NKAIN2: variants seen among roughly 807,000 people sequenced by gnomAD.
The protein encoded by NKAIN2 is sodium/potassium transporting ATPase interacting 2.
NKAIN2 carries 14 observed loss-of-function variants against 32.6 expected under a neutral mutation model. The observed-to-expected ratio is 0.43, with a 90% CI of 0.28 to 0.67. The LOEUF is 0.67. Among genes scored for constraint, NKAIN2 ranks in the 30% least tolerant of loss-of-function variants. The pLI is 0.17. For missense variants in NKAIN2, 198 were observed against 258.3 expected (o/e 0.77, Z 1.60); for synonymous variants, 80 against 87.2 (o/e 0.92, Z 0.46).
chr6:124,029,325 C>A (rs1484039391), intron 1 of NKAIN2, among the ~76,000 whole-genome samples: 1 of 151,144 alleles, frequency 6.6e-6, no homozygotes, highest in Non-Finnish European at 1.5e-5. Flanking sequence ...CATATTCATA[C>A]ACTTACAATC....
chr6:124,418,605 G>A (rs1416860574), intron 3 of NKAIN2, among the ~76,000 whole-genome samples: 1 of 148,444 alleles, frequency 6.7e-6, no homozygotes, highest in African/African-American at 2.5e-5. Context: ...AAACTATACA[G>A]TTAACTTGAG....
At chr6:124,047,377 T>A (rs1782191388) in intron 1 of NKAIN2, among the ~76,000 whole-genome samples, 1 of 152,022 alleles carries the variant, frequency 6.6e-6, no homozygotes, top group African/African-American at 2.4e-5. Flanking sequence ...TTTTCGTATG[T>A]CTATAAAATG....
intron 3 of NKAIN2, among the ~76,000 whole-genome samples, chr6:124,516,985 T>A (rs536514844): frequency 6.6e-6 from 1 of 152,300 alleles, no homozygotes; most frequent in African/African-American, 2.4e-5. Flanking sequence ...GACATCTTGT[T>A]AGCTTTTGAG....
At chr6:124,785,578 T>A (rs1260957260) in intron 4 of NKAIN2, among the ~76,000 whole-genome samples, 2 of 152,168 alleles carry the variant, frequency 1.3e-5, no homozygotes, top group Non-Finnish European at 1.5e-5. Flanking sequence ...GGATGCTGAC[T>A]TATTTCTGCC....
At chr6:124,417,470 T>C (rs1233523175) in intron 3 of NKAIN2, among the ~76,000 whole-genome samples, 1 of 141,734 alleles carries the variant, frequency 7.1e-6, no homozygotes, top group Non-Finnish European at 1.5e-5. Flanking sequence ...ACACATATTA[T>C]CATTTTCTGC....
At chr6:124,560,853 A>G (rs1480728168) in intron 3 of NKAIN2, among the ~76,000 whole-genome samples, 1 of 152,214 alleles carries the variant, frequency 6.6e-6, no homozygotes, top group Non-Finnish European at 1.5e-5. Flanking sequence ...GAGTGAGTTT[A>G]TCATTACTAT....
At chr6:124,820,249 A>G (rs992487846) in intron 6 of NKAIN2, among the ~76,000 whole-genome samples, 1 of 152,148 alleles carries the variant, frequency 6.6e-6, no homozygotes, top group African/African-American at 2.4e-5. Flanking sequence ...TTAAAAAGGC[A>G]ATCAGGACTA....
At chr6:124,509,692 C>T (rs1000734062) in intron 3 of NKAIN2, among the ~76,000 whole-genome samples, 2 of 152,296 alleles carry the variant, frequency 1.3e-5, no homozygotes, top group African/African-American at 4.8e-5. Context: ...AATTTTCTCA[C>T]GTCATCCTTA....
At chr6:124,665,130 T>C (rs908048791) in intron 4 of NKAIN2, among the ~76,000 whole-genome samples, 1 of 152,088 alleles carries the variant, frequency 6.6e-6, no homozygotes, top group Non-Finnish European at 1.5e-5. Context: ...ATTAAAAATC[T>C]GAATAGCATT....
intron 3 of NKAIN2, among the ~76,000 whole-genome samples, chr6:124,460,356 G>A (rs886415337): frequency 6.6e-6 from 1 of 151,542 alleles, no homozygotes; most frequent in Non-Finnish European, 1.5e-5. Flanking sequence ...ATATGTTTTA[G>A]CCCTTCATTT....
At chr6:124,343,452 G>A (rs1798240023) in intron 2 of NKAIN2, among the ~76,000 whole-genome samples, 1 of 151,382 alleles carries the variant, frequency 6.6e-6, no homozygotes, top group Non-Finnish European at 1.5e-5. Flanking sequence ...CACCAACTGT[G>A]TAAAAGTGTT....
At chr6:124,222,563 A>C (rs1414634607) in intron 1 of NKAIN2, among the ~76,000 whole-genome samples, 1 of 152,166 alleles carries the variant, frequency 6.6e-6, no homozygotes, top group Admixed American at 6.6e-5. Context: ...AACACCTAAG[A>C]GAAAAGTGTT....
At position 124,793,646 on chromosome 6, in the gene NKAIN2, C is replaced by G. The variant is rs138164586; in HGVS notation, c.535+2247C>G. On this transcript the variant is annotated intron_variant, in intron 5 of 6. Coordinates refer to ENST00000368417, the MANE Select transcript of NKAIN2 (RefSeq NM_001040214.3). ...CAGAATAGCACCTCTCAAAGGAAAT[C>G]TCAGAAATGCTAGTTCCACAAGACA... 3.8e-3 allele frequency among the ~76,000 whole-genome samples: 551 copies of G among 146,372 alleles called. 2 individuals are homozygous for G. The highest frequency in any genetic ancestry group is 0.013 in the African/African-American group (532 of 39,694).
chr6:124,118,495 A>C (rs1324582990), intron 1 of NKAIN2, among the ~76,000 whole-genome samples: 1 of 152,144 alleles, frequency 6.6e-6, no homozygotes, highest in Non-Finnish European at 1.5e-5. Flanking sequence ...GGGAGAAAAC[A>C]AAAACAATTT....
chr6:124,276,325 T>C (rs2626099), intron 1 of NKAIN2, among the ~76,000 whole-genome samples: 7,070 of 126,332 alleles, frequency 0.056, 460 homozygotes, highest in African/African-American at 0.2. Flanking sequence ...CACACACACA[T>C]ACACACCATC....
At chr6:124,636,971 A>G (rs1233748315) in intron 3 of NKAIN2, among the ~76,000 whole-genome samples, 1 of 152,102 alleles carries the variant, frequency 6.6e-6, no homozygotes, top group Non-Finnish European at 1.5e-5. Context: ...TCTGGTGAAC[A>G]TGGATGCAAA....
intron 1 of NKAIN2, among the ~76,000 whole-genome samples, chr6:123,935,182 A>C (rs1003028220): frequency 6.8e-6 from 1 of 147,850 alleles, no homozygotes; most frequent in Non-Finnish European, 1.5e-5. Context: ...TAAATATATT[A>C]AATAAATAAA....
chr6:124,357,032 A>C (rs1208506050), intron 3 of NKAIN2, among the ~76,000 whole-genome samples: 6 of 152,136 alleles, frequency 3.9e-5, no homozygotes, highest in Non-Finnish European at 7.3e-5. Context: ...GCACAGAATA[A>C]AGCTGGTGAT....
intron 1 of NKAIN2, among the ~76,000 whole-genome samples, chr6:123,865,440 T>C (rs1037969976): frequency 3.3e-5 from 5 of 152,144 alleles, no homozygotes; most frequent in African/African-American, 1.2e-4. Context: ...ACATTCTCTA[T>C]TGAACTATAT....
Sources: allele counts gnomAD v4.1 joint callset (sites outside exome capture counted in the v4.1 genomes callset), GRCh38; gene constraint gnomAD v4.1.1; transcripts MANE v1.5; gene names NCBI Gene and HGNC (gene_info 2026-07-23, HGNC 2026-07-21).